Variants in TERF2 observed in about 807,000 individuals in gnomAD.
TERF2 encodes the protein telomeric repeat-binding factor 2.
A neutral mutation model predicts 56.1 loss-of-function variants in TERF2; 16 were observed. The ratio of observed to expected loss-of-function variants is 0.29; its 90% CI spans 0.19 to 0.43. TERF2 has a LOEUF of 0.43. Among genes scored for constraint, TERF2 ranks in the 20% least tolerant of loss-of-function variants. The probability of loss-of-function intolerance (pLI) is 1.00; values close to 1 mark genes in which losing one functional copy is unlikely to be tolerated. For synonymous variants in TERF2, 296 were observed against 282.1 expected (o/e 1.05, Z -0.50); for missense variants, 547 against 712.9 (o/e 0.77, Z 2.65).
At chr16:69,366,067 TG>T (rs1484523072) in intron 7 of TERF2, 4 of 152,380 alleles carry the variant, frequency 2.6e-5, no homozygotes, top group East Asian at 1.9e-4. Flanking sequence ...GAAAGTGCTC[TG>T]CCCCCAGAAA....
Position 69,384,688 on chromosome 16 carries a change from A to C in TERF2, c.498T>G (p.Ala166=), listed in dbSNP as rs1363147398. The stretch of plus-strand genomic sequence containing the variant: ...TAGCTGATTCCAGTGGTGTGAGCTC[A>C]GCCTCCATATCAAAGGAACAGTCTA... ...ENLDCSFDME[A]ELTPLESAIN... Residue 166 remains alanine (A), a synonymous_variant, in exon 3 of 10, where the codon GCT becomes GCG. Coordinates refer to ENST00000254942, the MANE Select transcript of TERF2 (RefSeq NM_005652.5). 6.2e-7 allele frequency: 1 copy of C among 1,614,076 alleles called. No individual in the cohort carries two copies. The highest frequency in any genetic ancestry group is 1.7e-5 in the Admixed American group (1 of 60,008).
chr16:69,361,280 T>A (rs1340063202), intron 8 of TERF2, 124 bp downstream of exon 8: 20 of 703,512 alleles, frequency 2.8e-5, no homozygotes, highest in Non-Finnish European at 4.7e-5. Flanking sequence ...TAAAATGAGA[T>A]CGGGAACTTA....
At chr16:69,368,697 G>A in intron 5 of TERF2, 2 of 1,238,456 alleles carry the variant, frequency 1.6e-6, no homozygotes, top group Non-Finnish European at 2.2e-6. Flanking sequence ...TTTTTTTTGA[G>A]AGGGAGTCTT....
chr16:69,382,501 A>T (rs1416405707), intron 3 of TERF2, among the ~76,000 whole-genome samples: 1 of 152,144 alleles, frequency 6.6e-6, no homozygotes, highest in Non-Finnish European at 1.5e-5. Flanking sequence ...TCCCATTCAC[A>T]CTCTACCAGA....
intron 2 of TERF2, among the ~76,000 whole-genome samples, chr16:69,385,051 G>A (rs528015000): frequency 6.6e-6 from 1 of 152,224 alleles, no homozygotes; most frequent in East Asian, 1.9e-4. Context: ...TAAATTCAGA[G>A]GGGAAAAATG....
chr16:69,368,450 A>G lies in TERF2; in HGVS notation c.873T>C (p.Ala291=), dbSNP rs1408621557. 1 of 1,614,152 alleles carries G rather than the reference A, an allele frequency of 6.2e-7. No individual in the cohort carries two copies. Among genetic ancestry groups the G allele is most frequent in the Admixed American group, 1.7e-5 (1 of 60,012 alleles). The change falls in exon 6 of 10, where the codon GCT becomes GCC. Residue 291 remains alanine (A), a synonymous_variant. Transcript: ENST00000254942. ...MAKKALKSES[A]ASSTGKEDKQ... ...TATCTTCCTTCCCTGTACTTGAGGC[A>G]GCGGACTCAGATTTCAAAGCCTTTT...
intron 4 of TERF2, among the ~76,000 whole-genome samples, chr16:69,371,895 A>T (rs112308000): frequency 4.6e-5 from 7 of 152,322 alleles, no homozygotes; most frequent in Admixed American, 1.3e-4. Flanking sequence ...TGACACCAGG[A>T]AACAGGTGCT....
intron 3 of TERF2, among the ~76,000 whole-genome samples, chr16:69,376,737 G>GTGGT (rs1015251345): frequency 2.0e-5 from 3 of 150,982 alleles, no homozygotes; most frequent in Non-Finnish European, 3.0e-5. Context: ...GCACATGCTT[G>GTGGT]TGGTTCCAGC....
In TERF2 at chr16:69,355,726, A is replaced by C. The variant is rs1189201999; in HGVS notation, c.*1172T>G. 1 of 155,816 alleles carries C rather than the reference A, an allele frequency of 6.4e-6. No individual in the cohort carries two copies. The highest frequency in any genetic ancestry group is 2.4e-5 in the African/African-American group (1 of 41,478). 9.7% of individuals were successfully genotyped at this position (155,816 alleles called of 1,614,324 possible). A position where few individuals can be genotyped will look rare whatever the true frequency, so the allele number is the denominator to read the frequency against. The stretch of plus-strand genomic sequence containing the variant: ...AGAGACAGCAAGCACAACACAGTAC[A>C]AAAGGAGAAGGGAATGTTGAATTCC... On this transcript the variant is annotated 3_prime_UTR_variant, in exon 10 of 10. Coordinates refer to ENST00000254942, the MANE Select transcript of TERF2 (RefSeq NM_005652.5).
rs951649049 is a variant in TERF2 at position 69,385,932 on chromosome 16, G to A, written c.40C>T (p.Pro14Ser). ...GAGTAGPASGPGVVRDPAASQ... is the reference protein window; with the variant it reads ...GAGTAGPASGSGVVRDPAASQ... ...GCCGCTGGGTCACGCACGACGCCCG[G>A]GCCGGAAGCGGGGCCCGCCGTCCCG... is the stretch of plus-strand genomic sequence containing the variant. Residue 14 changes from proline (P) to serine (S), a missense_variant, in exon 1 of 10, where the codon CCG becomes TCG. By Grantham distance (74) the Pro-to-Ser change is moderately conservative. Around this residue, in one of 6 missense-constraint regions of TERF2, gnomAD observed 85 missense variants for 59.5 expected, o/e 1.43. Coordinates refer to ENST00000254942, the MANE Select transcript of TERF2 (RefSeq NM_005652.5). The A allele has an allele frequency of 6.6e-6, 9 of 1,369,384 alleles. No homozygotes were observed. In the African/African-American group the frequency reaches 1.1e-4, roughly 16 times the overall value. 84.8% of individuals were successfully genotyped at this position (1,369,384 alleles called of 1,614,324 possible). A position where few individuals can be genotyped will look rare whatever the true frequency, so the allele number is the denominator to read the frequency against.
At chr16:69,365,242 T>C (rs1435755728) in intron 7 of TERF2, 1 of 152,258 alleles carries the variant, frequency 6.6e-6, no homozygotes, top group Admixed American at 6.5e-5. Flanking sequence ...CAAATGAGAA[T>C]AACATGCATG....
At chr16:69,379,621 G>A (rs547730726) in intron 3 of TERF2, among the ~76,000 whole-genome samples, 1 of 152,174 alleles carries the variant, frequency 6.6e-6, no homozygotes, top group Non-Finnish European at 1.5e-5. Context: ...CCCTCAAAGA[G>A]CTTTCTGTTT....
chr16:69,365,464 T>C (rs1392835274), intron 7 of TERF2: 1 of 152,320 alleles, frequency 6.6e-6, no homozygotes, highest in African/African-American at 2.4e-5. Context: ...CCTTGGGAGA[T>C]CCATAAGGTG....
intron 3 of TERF2, among the ~76,000 whole-genome samples, chr16:69,376,269 C>A (rs2013774633): frequency 6.6e-6 from 1 of 152,272 alleles, no homozygotes; most frequent in South Asian, 2.1e-4. Flanking sequence ...TGCATATGGA[C>A]ATTCAATTGT....
At chr16:69,368,851 A>AT (rs1262473507) in intron 5 of TERF2, among the ~76,000 whole-genome samples, 2 of 151,722 alleles carry the variant, frequency 1.3e-5, no homozygotes, top group Non-Finnish European at 2.9e-5. Flanking sequence ...TAATTTTTGT[A>AT]TTTTAGTAGA....
chr16:69,368,969 C>T (rs762682804), intron 5 of TERF2, among the ~76,000 whole-genome samples: 3 of 152,106 alleles, frequency 2.0e-5, no homozygotes, highest in Non-Finnish European at 4.4e-5. Context: ...AGCCACCATG[C>T]CCGGCAATAA....
chr16:69,378,698 T>C (rs1314135011), intron 3 of TERF2, among the ~76,000 whole-genome samples: 1 of 152,174 alleles, frequency 6.6e-6, no homozygotes, highest in Non-Finnish European at 1.5e-5. Flanking sequence ...TCCTTCCCTA[T>C]ATGCCTATTT....
rs867114818 is a variant in TERF2 at position 69,357,854 on chromosome 16, T to C, written c.1427-293A>G. On this transcript the variant is annotated intron_variant, in intron 8 of 9. Transcript: ENST00000254942. Reference sequence around the variant, plus strand: ...AAAATCAACATCGTTTTCTTTTTTTTTTTTTTTTTTTTGAGACGGAGTCTT... The same window carrying C: ...AAAATCAACATCGTTTTCTTTTTTTCTTTTTTTTTTTTGAGACGGAGTCTT... Among the ~76,000 whole-genome samples, 736 of 149,882 alleles carry C rather than the reference T, an allele frequency of 4.9e-3. 6 individuals are homozygous for C. The highest frequency in any genetic ancestry group is 0.018 in the African/African-American group (718 of 40,806).
At position 69,356,198 on chromosome 16, in the gene TERF2, A is replaced by G. The variant is rs1309447150; in HGVS notation, c.*700T>C. ...TTGACGTGGAACAAATTTACTCCAA[A>G]TAATACTCACATTGCTGGTTTTAAC... is the stretch of plus-strand genomic sequence containing the variant. On this transcript the variant is annotated 3_prime_UTR_variant, in exon 10 of 10. Coordinates refer to ENST00000254942, the MANE Select transcript of TERF2 (RefSeq NM_005652.5). 1 of 455,690 alleles carries G rather than the reference A, an allele frequency of 2.2e-6. No homozygotes were observed. Among genetic ancestry groups the G allele is most frequent in the Admixed American group, 2.4e-5 (1 of 42,462 alleles). The allele number at this position is 455,690 out of a possible 1,614,324, so 28.2% of individuals were successfully genotyped here. A position where few individuals can be genotyped will look rare whatever the true frequency, so the allele number is the denominator to read the frequency against.
Sources: gnomAD v4.1 joint callset for allele counts (sites outside exome capture counted in the v4.1 genomes callset) on GRCh38, gnomAD v4.1.1 for gene constraint, gnomAD v4.1.1 regional missense constraint, MANE v1.5 for transcripts, NCBI Gene and HGNC (gene_info 2026-07-23, HGNC 2026-07-21) for gene names.